Variants in NLGN1 observed in about 807,000 individuals in gnomAD.
The protein encoded by NLGN1 is neuroligin 1.
NLGN1 carries 12 observed loss-of-function variants against 65.5 expected under a neutral mutation model. The ratio of observed to expected loss-of-function variants is 0.18; its 90% CI spans 0.12 to 0.30. The LOEUF (loss-of-function observed/expected upper bound fraction) is 0.30. Ranked by LOEUF, NLGN1 falls within the 10% of genes least tolerant of loss-of-function variation. NLGN1 has a pLI of 1.00. For missense variants in NLGN1, 750 were observed against 1,007.1 expected, an observed-to-expected ratio of 0.74 and a Z score of 3.46; for synonymous variants, 350 against 359.5, an observed-to-expected ratio of 0.97 and a Z score of 0.30.
chr3:174,216,193 G>T (rs1737566376), intron 4 of NLGN1, among the ~76,000 whole-genome samples: 1 of 152,164 alleles, frequency 6.6e-6, no homozygotes, highest in East Asian at 1.9e-4. Context: ...CCAGGATCTG[G>T]ACTCCTCCCA....
intron 3 of NLGN1, among the ~76,000 whole-genome samples, chr3:173,611,076 T>C (rs4894448): frequency 0.027 from 4,176 of 152,092 alleles, 85 homozygotes; most frequent in Middle Eastern, 0.041. Flanking sequence ...AATTAGTATG[T>C]TGCTATGCAC....
chr3:173,856,920 C>G (rs1057214028), intron 4 of NLGN1, among the ~76,000 whole-genome samples: 9 of 151,428 alleles, frequency 5.9e-5, no homozygotes, highest in African/African-American at 1.9e-4. Context: ...AATAATATCA[C>G]CATTCTTCCA....
At chr3:173,650,358 A>T (rs986974812) in intron 3 of NLGN1, among the ~76,000 whole-genome samples, 1 of 152,210 alleles carries the variant, frequency 6.6e-6, no homozygotes. Context: ...ATAGATCTGG[A>T]ATAGATATAG....
chr3:174,185,817 CA>C (rs1204061287), intron 4 of NLGN1, among the ~76,000 whole-genome samples: 1 of 144,922 alleles, frequency 6.9e-6, no homozygotes, highest in African/African-American at 2.5e-5. Context: ...CAAAAAAAAA[CA>C]AAAACAAAAA....
rs776925075 is a variant in NLGN1 at position 173,730,322 on chromosome 3, T to TCCGC, written c.494-77356_494-77355insGCCC. On this transcript the variant is annotated intron_variant, in intron 3 of 6. Coordinates refer to ENST00000457714, the Ensembl canonical transcript of NLGN1. Reference sequence around the variant, plus strand: ...GTCTAACACACTACTGCCCCACCGCTCCCCCCCCCCCGCAAAAATAGAATG... The same window carrying TCCGC: ...GTCTAACACACTACTGCCCCACCGCTCCGCCCCCCCCCCCCGCAAAAATAGAATG... Among the ~76,000 whole-genome samples, 3 of 28,916 alleles carry TCCGC rather than the reference T, an allele frequency of 1.0e-4. 1 individual carries two copies. The highest frequency in any genetic ancestry group is 1.4e-3 in the East Asian group (1 of 716). The allele number at this position is 28,916 out of a possible 152,430, so 19.0% of individuals were successfully genotyped here.
At chr3:173,824,463 T>A (rs2150553836) in intron 4 of NLGN1, among the ~76,000 whole-genome samples, 1 of 152,192 alleles carries the variant, frequency 6.6e-6, no homozygotes, top group African/African-American at 2.4e-5. Context: ...TTGTTGTTTT[T>A]AAAAAATTAA....
chr3:173,942,105 T>TGG (rs201025995), intron 4 of NLGN1, among the ~76,000 whole-genome samples: 11 of 137,180 alleles, frequency 8.0e-5, no homozygotes, highest in East Asian at 4.2e-4. Context: ...TATTGGTGGT[T>TGG]GGGGGTGTGT....
chr3:174,042,152 A>C (rs993629956), intron 4 of NLGN1, among the ~76,000 whole-genome samples: 1 of 152,150 alleles, frequency 6.6e-6, no homozygotes, highest in African/African-American at 2.4e-5. Context: ...TGTTTCACAG[A>C]TATTTCTCCC....
At chr3:174,191,548 G>A (rs1732393411) in intron 4 of NLGN1, among the ~76,000 whole-genome samples, 1 of 152,130 alleles carries the variant, frequency 6.6e-6, no homozygotes, top group East Asian at 1.9e-4. Flanking sequence ...GTCATTCTGT[G>A]AAAAGTGTGT....
intron 2 of NLGN1, among the ~76,000 whole-genome samples, chr3:173,580,119 T>C (rs1746160465): frequency 6.6e-6 from 1 of 152,020 alleles, no homozygotes; most frequent in South Asian, 2.1e-4. Context: ...ATTTATATGA[T>C]TTTTCAAAAA....
rs543724599 is a variant in NLGN1, at chr3:174,052,923, G to A, written c.647-222392G>A. Among the ~76,000 whole-genome samples the A allele has an allele frequency of 4.6e-5, 7 of 152,084 alleles. No homozygotes were observed. The South Asian group carries it at 1.2e-3, about 27-fold the overall frequency. On this transcript the variant is annotated intron_variant, in intron 4 of 6. Transcript: ENST00000457714. The stretch of plus-strand genomic sequence containing the variant: ...CAACAATGTTCTTTCTATCAAAAAT[G>A]CTCCTACAAAATAGATGCGGCAGTA...
chr3:174,224,425 G>A (rs1202676075), intron 4 of NLGN1, among the ~76,000 whole-genome samples: 4 of 152,198 alleles, frequency 2.6e-5, no homozygotes, highest in Admixed American at 1.3e-4. Flanking sequence ...CTGGCCGGGC[G>A]TGATGGCTCA....
chr3:173,557,331 CA>C lies in NLGN1; in HGVS notation c.-320-46947del, dbSNP rs202036685. On this transcript the variant is annotated intron_variant, in intron 2 of 6. Coordinates refer to ENST00000457714, the Ensembl canonical transcript of NLGN1. ...CCTGTGTTTCTATTTATTTTTAACC[CA>C]TTTCTGTCTTTATATTTGAAGTGTG... Among the ~76,000 whole-genome samples the C allele has an allele frequency of 4.0e-3, 612 of 152,088 alleles. 18 individuals carry two copies. The South Asian group carries it at 0.053, about 13-fold the overall frequency.
intron 2 of NLGN1, among the ~76,000 whole-genome samples, chr3:173,570,664 G>A (rs2036438): frequency 1 from 151,944 of 152,264 alleles, 75,812 homozygotes; most frequent in East Asian, 1. Flanking sequence ...CTTATACTAT[G>A]TCAGTTTTGT....
intron 4 of NLGN1, among the ~76,000 whole-genome samples, chr3:173,901,359 T>G (rs1449611988): frequency 6.7e-6 from 1 of 148,534 alleles, no homozygotes; most frequent in East Asian, 2.2e-4. Context: ...AACTAGTATT[T>G]TTTTTGGGGG....
chr3:173,490,869 G>C, intron 2 of NLGN1, among the ~76,000 whole-genome samples: 1 of 151,998 alleles, frequency 6.6e-6, no homozygotes, highest in Non-Finnish European at 1.5e-5. Context: ...GTGAATGGGA[G>C]TTCATTCATG....
chr3:173,833,429 T>C (rs1015686020), intron 4 of NLGN1, among the ~76,000 whole-genome samples: 37 of 152,228 alleles, frequency 2.4e-4, no homozygotes, highest in African/African-American at 8.4e-4. Flanking sequence ...TTTAGGTATT[T>C]TTTTAAATCT....
At chr3:174,264,997 G>T (rs1246975993) in intron 4 of NLGN1, among the ~76,000 whole-genome samples, 2 of 152,182 alleles carry the variant, frequency 1.3e-5, no homozygotes, top group Non-Finnish European at 2.9e-5. Flanking sequence ...GGCTGCTCGG[G>T]GGTCAGGGGT....
chr3:173,827,755 A>G (rs1413128345), intron 4 of NLGN1, among the ~76,000 whole-genome samples: 1 of 151,814 alleles, frequency 6.6e-6, no homozygotes, highest in Non-Finnish European at 1.5e-5. Flanking sequence ...AAGCTGGAGA[A>G]CCAGACAGAG....
Sources: gnomAD v4.1 joint callset for allele counts (sites outside exome capture counted in the v4.1 genomes callset) on GRCh38, gnomAD v4.1.1 for gene constraint, MANE v1.5 for transcripts, NCBI Gene and HGNC (gene_info 2026-07-23, HGNC 2026-07-21) for gene names.